MGRN1: variants seen among roughly 807,000 people sequenced by gnomAD.
MGRN1 encodes the protein mahogunin ring finger 1.
MGRN1 carries 29 observed loss-of-function variants against 69.2 expected under a neutral mutation model. The observed-to-expected ratio is 0.42, with a 90% CI of 0.31 to 0.57. The LOEUF is 0.57. Ranked by LOEUF, MGRN1 falls within the 20% of genes least tolerant of loss-of-function variation. The pLI, the probability that MGRN1 is intolerant of heterozygous loss-of-function variation, is 0.15. For missense variants in MGRN1, 998 were observed against 796.2 expected (o/e 1.25, Z -3.05); for synonymous variants, 470 against 344.2 (o/e 1.37, Z -4.04).
In MGRN1 at chr16:4,624,842, T is replaced by G; in HGVS notation, c.-119T>G. ...GCCGGGGGTGGGGGCTCGAGGCGCC[T>G]CCGCGGCCGTGGACGAGCGTCCGTG... is the stretch of plus-strand genomic sequence containing the variant. On this transcript the variant is annotated 5_prime_UTR_variant, in exon 1 of 17. Transcript: ENST00000262370. 1.2e-6 allele frequency: 1 copy of G among 803,506 alleles called. No homozygotes were observed. Among genetic ancestry groups the G allele is most frequent in the South Asian group, 3.5e-5 (1 of 28,432 alleles). 49.8% of individuals were successfully genotyped at this position (803,506 alleles called of 1,614,324 possible). A position where few individuals can be genotyped will look rare whatever the true frequency, so the allele number is the denominator to read the frequency against.
intron 1 of MGRN1, among the ~76,000 whole-genome samples, chr16:4,643,658 C>T (rs1180801858): frequency 1.3e-5 from 2 of 152,164 alleles, no homozygotes; most frequent in African/African-American, 4.8e-5. Flanking sequence ...ACGCGTGAGT[C>T]ACCGCGCCTG....
chr16:4,673,087 C>T (rs1435576015), intron 9 of MGRN1, among the ~76,000 whole-genome samples: 1 of 152,232 alleles, frequency 6.6e-6, no homozygotes, highest in African/African-American at 2.4e-5. Flanking sequence ...ATCTGCCCGC[C>T]TCAGCCTCCC....
intron 4 of MGRN1, among the ~76,000 whole-genome samples, chr16:4,655,572 GT>G (rs1351983882): frequency 6.6e-6 from 1 of 151,684 alleles, no homozygotes; most frequent in Non-Finnish European, 1.5e-5. Flanking sequence ...CAGTGCCACT[GT>G]CCCCCTCTCT....
At chr16:4,650,325 A>AG in intron 1 of MGRN1, 40 bp from the exon 2 acceptor site, 1 of 1,541,196 alleles carries the variant, frequency 6.5e-7, no homozygotes, top group East Asian at 2.2e-5. Context: ...CTCAAAAAAA[A>AG]AAAAAAAAAA....
chr16:4,640,875 C>A (rs1276999690), intron 1 of MGRN1, among the ~76,000 whole-genome samples: 1 of 152,196 alleles, frequency 6.6e-6, no homozygotes, highest in Non-Finnish European at 1.5e-5. Flanking sequence ...GTGTGCGCCC[C>A]AGCTCCACCG....
chr16:4,688,613 C>T, intron 16 of MGRN1, 183 bp from the exon 17 acceptor site: 1 of 1,366,540 alleles, frequency 7.3e-7, no homozygotes. Flanking sequence ...GCGTATTTGG[C>T]ACAGTTAGGG....
chr16:4,632,734 C>T (rs1303064758), intron 1 of MGRN1, among the ~76,000 whole-genome samples: 1 of 152,144 alleles, frequency 6.6e-6, no homozygotes, highest in Non-Finnish European at 1.5e-5. Context: ...GCCATCACCA[C>T]TGTCTAATTC....
At chr16:4,637,920 A>C (rs1012863449) in intron 1 of MGRN1, among the ~76,000 whole-genome samples, 4 of 152,222 alleles carry the variant, frequency 2.6e-5, no homozygotes, top group African/African-American at 9.6e-5. Context: ...CACCCCCAAC[A>C]AAAAAGGTGA....
intron 16 of MGRN1, chr16:4,687,374 CT>C: frequency 3.2e-6 from 3 of 929,016 alleles, no homozygotes; most frequent in Non-Finnish European, 3.9e-6. Context: ...CATAGACCCC[CT>C]CTCTATGAAA....
At chr16:4,650,737 G>A (rs1364277865) in intron 2 of MGRN1, 3 of 364,458 alleles carry the variant, frequency 8.2e-6, no homozygotes, top group East Asian at 4.2e-5. Flanking sequence ...GAATGGGTGC[G>A]TCTGGGCTGC....
rs944492396 is a variant in MGRN1, at chr16:4,689,808, C to T, written c.*900C>T. 2 of 151,186 alleles carry T rather than the reference C, an allele frequency of 1.3e-5. No individual in the cohort carries two copies. Among genetic ancestry groups the T allele is most frequent in the Non-Finnish European group, 2.9e-5 (2 of 68,000 alleles). The allele number at this position is 151,186 out of a possible 1,614,324, so 9.4% of individuals were successfully genotyped here. On this transcript the variant is annotated 3_prime_UTR_variant, in exon 17 of 17. Transcript: ENST00000262370. Reference sequence around the variant, plus strand: ...GAGATGGAGTTTCACTCTTGCTGCCCAGGCTGGAGTGCAGTGGCTCAATCT... The same window carrying T: ...GAGATGGAGTTTCACTCTTGCTGCCTAGGCTGGAGTGCAGTGGCTCAATCT...
At position 4,688,836 on chromosome 16, in the gene MGRN1, C is replaced by A; in HGVS notation, c.1659C>A (p.Thr553=). The A allele has an allele frequency of 6.4e-7, 1 of 1,554,062 alleles. No individual in the cohort carries two copies. The highest frequency in any genetic ancestry group is 8.7e-7 in the Non-Finnish European group (1 of 1,148,540). ...TSMETAHGLA[T]TSPTWPPLGG... is the part of the protein sequence containing the mutation. ...TGGAGACGGCCCACGGCCTCGCCAC[C>A]ACCAGCCCCACCTGGCCTCCACTTG... The change falls in exon 17 of 17, where the codon ACC becomes ACA. Residue 553 remains threonine (T), a synonymous_variant. Coordinates refer to ENST00000262370, the MANE Select transcript of MGRN1 (RefSeq NM_015246.4).
chr16:4,683,293 C>T (rs368422683), intron 15 of MGRN1, 24 bp downstream of exon 15: 4 of 1,613,066 alleles, frequency 2.5e-6, no homozygotes, highest in Non-Finnish European at 3.4e-6. Context: ...TCCATGGGCA[C>T]AAACCGCATG....
At chr16:4,672,683 T>C (rs1413315962) in intron 9 of MGRN1, among the ~76,000 whole-genome samples, 2 of 152,234 alleles carry the variant, frequency 1.3e-5, no homozygotes, top group African/African-American at 4.8e-5. Context: ...TGTGGCGGTG[T>C]TCCAGTAAGA....
At chr16:4,627,918 A>G (rs190446625) in intron 1 of MGRN1, among the ~76,000 whole-genome samples, 1 of 149,918 alleles carries the variant, frequency 6.7e-6, no homozygotes, top group African/African-American at 2.5e-5. Flanking sequence ...ATCTCTACCA[A>G]AAATACAAAA....
At chr16:4,676,413 G>A (rs2079054231) in intron 10 of MGRN1, among the ~76,000 whole-genome samples, 1 of 152,240 alleles carries the variant, frequency 6.6e-6, no homozygotes, top group Non-Finnish European at 1.5e-5. Context: ...TGCTTTCCAG[G>A]GAGGGTGCCC....
intron 9 of MGRN1, 114 bp from the exon 10 acceptor site, chr16:4,673,384 G>T: frequency 7.2e-7 from 1 of 1,398,328 alleles, no homozygotes; most frequent in Non-Finnish European, 9.7e-7. Context: ...ACTTCTCTTT[G>T]TCATGACAGC....
intron 6 of MGRN1, 45 bp from the exon 7 acceptor site, chr16:4,665,057 G>A (rs1300957147): frequency 6.2e-7 from 1 of 1,610,760 alleles, no homozygotes; most frequent in Non-Finnish European, 8.5e-7. Flanking sequence ...TGCCTGGGTG[G>A]GGCAGGCCCC....
In MGRN1 at chr16:4,680,098, G is replaced by GT. The variant is rs1398876496; in HGVS notation, c.1131+2dup. 6.2e-7 allele frequency: 1 copy of GT among 1,613,752 alleles called. No homozygotes were observed. Among genetic ancestry groups the GT allele is most frequent in the Non-Finnish European group, 8.5e-7 (1 of 1,179,816 alleles). Reference sequence around the variant, plus strand: ...CAGCAAGAAACCTAAAAGGGAAACAGTAAGTGTCTGGTCCTCCGGCTACGT... The same window carrying GT: ...CAGCAAGAAACCTAAAAGGGAAACAGTTAAGTGTCTGGTCCTCCGGCTACGT... On this transcript the variant is annotated splice_donor_variant, in intron 12 of 16. Coordinates refer to ENST00000262370, the MANE Select transcript of MGRN1 (RefSeq NM_015246.4). LOFTEE classifies it high-confidence loss of function.
Sources: gnomAD v4.1 joint callset for allele counts (sites outside exome capture counted in the v4.1 genomes callset) on GRCh38, gnomAD v4.1.1 for gene constraint, MANE v1.5 for transcripts, NCBI Gene and HGNC (gene_info 2026-07-23, HGNC 2026-07-21) for gene names.